Variants in MID1 observed in about 807,000 individuals in gnomAD.
The protein encoded by MID1 is E3 ubiquitin-protein ligase Midline-1.
Under a neutral mutation model 40.4 loss-of-function variants are expected in MID1, and 7 were observed. The observed-to-expected ratio is 0.17, with a 90% confidence interval of 0.10 to 0.33. The LOEUF (loss-of-function observed/expected upper bound fraction) is 0.33. MID1 is among the 10% of genes least tolerant of loss of function. The probability of loss-of-function intolerance (pLI) is 1.00; values close to 1 mark genes in which losing one functional copy is unlikely to be tolerated. For missense variants in MID1, 367 were observed against 558.5 expected (o/e 0.66, Z 3.46); for synonymous variants, 229 against 221.2 (o/e 1.04, Z -0.31).
At chrX:10,774,569 G>T (rs976398316) in intron 1 of MID1, among the ~76,000 whole-genome samples, 1 of 110,671 alleles carries the variant, frequency 9.0e-6, no homozygotes, top group African/African-American at 3.3e-5. Flanking sequence ...CTACACAGAG[G>T]TGCTGCAGTA....
chrX:10,797,684 C>G (rs1275144521), intron 1 of MID1, among the ~76,000 whole-genome samples: 1 of 111,627 alleles, frequency 9.0e-6, no homozygotes, highest in Non-Finnish European at 1.9e-5. Context: ...ATAGAACTTT[C>G]CATGCCCTGA....
At chrX:10,681,974 T>C (rs2043063810) in intron 1 of MID1, among the ~76,000 whole-genome samples, 2 of 111,624 alleles carry the variant, frequency 1.8e-5, no homozygotes, top group African/African-American at 6.5e-5. Flanking sequence ...CTTTTGTTTG[T>C]GCCTATAGTG....
At position 10,764,582 on chromosome X, in the gene MID1, G is replaced by T. The variant is rs192704389; in HGVS notation, c.-187+68972C>A. The stretch of plus-strand genomic sequence containing the variant: ...CTTAGAATTTTTTTTAAAGCTCTGT[G>T]TATGATAATCAAAGGTTAGATTTTA... On this transcript the variant is annotated intron_variant, in intron 1 of 10. Coordinates refer to the MID1 transcript ENST00000380785. 6.3e-5 allele frequency among the ~76,000 whole-genome samples: 7 copies of T among 111,757 alleles called. No individual in the cohort carries two copies. The East Asian group carries it at 2.0e-3, about 32-fold the overall frequency.
intron 1 of MID1, among the ~76,000 whole-genome samples, chrX:10,788,041 A>G (rs2043900020): frequency 9.0e-6 from 1 of 111,330 alleles, no homozygotes; most frequent in Non-Finnish European, 1.9e-5. Flanking sequence ...TTTGGCTGAT[A>G]TCACCCAGGT....
chrX:10,593,238 G>A (rs753971286), intron 1 of MID1, among the ~76,000 whole-genome samples: 1 of 112,373 alleles, frequency 8.9e-6, no homozygotes, highest in East Asian at 2.8e-4. Flanking sequence ...AGTAAAAAAT[G>A]AATGATAATT....
chrX:10,734,464 T>C (rs1029059109), intron 1 of MID1, among the ~76,000 whole-genome samples: 3 of 108,783 alleles, frequency 2.8e-5, no homozygotes, highest in African/African-American at 1.0e-4. Context: ...ACCTGGGTGA[T>C]GAAATAATAT....
chrX:10,445,441 A>G (rs1292725387), downstream of MID1: 2 of 112,734 alleles, frequency 1.8e-5, no homozygotes, highest in African/African-American at 3.2e-5. Flanking sequence ...AAAATGAATT[A>G]TATGTCATAA....
At chrX:10,713,874 G>A (rs969499399) in intron 1 of MID1, among the ~76,000 whole-genome samples, 1 of 111,638 alleles carries the variant, frequency 9.0e-6, no homozygotes, top group Non-Finnish European at 1.9e-5. Context: ...AGTACTCCGG[G>A]CATGTTTACT....
intron 1 of MID1, among the ~76,000 whole-genome samples, chrX:10,630,398 A>C (rs745799017): frequency 4.5e-5 from 5 of 111,118 alleles, no homozygotes; most frequent in Non-Finnish European, 7.5e-5. Flanking sequence ...CGGGCAGAGG[A>C]AACAGTGATT....
intron 1 of MID1, among the ~76,000 whole-genome samples, chrX:10,797,836 T>C (rs751541286): frequency 9.0e-6 from 1 of 111,614 alleles, no homozygotes; most frequent in African/African-American, 3.3e-5. Context: ...TTCGATGCAT[T>C]GTTACTCCTT....
intron 1 of MID1, among the ~76,000 whole-genome samples, chrX:10,817,556 CTTT>C (rs2044146092): frequency 3.1e-5 from 3 of 95,928 alleles, no homozygotes; most frequent in Non-Finnish European, 6.2e-5. Flanking sequence ...TTCTTTCTTT[CTTT>C]CTTTCTTTCT....
At chrX:10,542,203 C>T (rs995116973) in intron 2 of MID1, among the ~76,000 whole-genome samples, 4 of 112,269 alleles carry the variant, frequency 3.6e-5, no homozygotes, top group South Asian at 3.7e-4. Flanking sequence ...TAATGTGTTT[C>T]GCAGACTTTT....
At chrX:10,730,641 G>T (rs998648547) in intron 1 of MID1, among the ~76,000 whole-genome samples, 1 of 100,957 alleles carries the variant, frequency 9.9e-6, no homozygotes, top group Non-Finnish European at 2.0e-5. Flanking sequence ...GCACGATCTC[G>T]GCTCACTGCA....
chrX:10,795,052 T>C (rs1376891061), intron 1 of MID1, among the ~76,000 whole-genome samples: 1 of 111,712 alleles, frequency 9.0e-6, no homozygotes, highest in Non-Finnish European at 1.9e-5. Flanking sequence ...TAATTCTCTG[T>C]GTCTGGGCTG....
chrX:10,720,990 T>C (rs1462659808), intron 1 of MID1, among the ~76,000 whole-genome samples: 1 of 105,976 alleles, frequency 9.4e-6, no homozygotes, highest in African/African-American at 3.5e-5. Context: ...TAGGTGGGAA[T>C]TGAACAATGA....
intron 1 of MID1, among the ~76,000 whole-genome samples, chrX:10,672,877 G>A (rs865791701): frequency 1.1e-4 from 12 of 110,009 alleles, no homozygotes; most frequent in African/African-American, 3.6e-4. Flanking sequence ...GCAGAGGAGG[G>A]GTTTCTCTAT....
At chrX:10,589,109 G>T (rs1266731171) in intron 1 of MID1, among the ~76,000 whole-genome samples, 1 of 111,874 alleles carries the variant, frequency 8.9e-6, no homozygotes, top group Non-Finnish European at 1.9e-5. Flanking sequence ...ACACACTTTT[G>T]CAGTTTACAC....
chrX:10,469,807 C>T lies in MID1; in HGVS notation c.1175G>A (p.Cys392Tyr), dbSNP rs1261435013. 2 of 1,211,149 alleles carry T rather than the reference C, an allele frequency of 1.7e-6. No homozygotes were observed. The highest frequency in any genetic ancestry group is 2.2e-6 in the Non-Finnish European group (2 of 895,251). Residue 392 changes from cysteine to tyrosine, a missense_variant, in exon 7 of 10, where the codon TGC (cysteine) becomes TAC (tyrosine). Around this residue, in one of 3 missense-constraint regions of MID1, gnomAD observed 275 missense variants for 383.1 expected, o/e 0.72. Transcript: ENST00000317552. Reference protein sequence around the residue: ...PNPPTIREELCTASYDTITVH... With the variant: ...PNPPTIREELYTASYDTITVH... The stretch of plus-strand genomic sequence containing the variant: ...AGTGATGGTGTCATATGAAGCTGTG[C>T]AGAGCTCTTCTCTAATTGTGGGAGG...
rs1268512605 is a variant in MID1 at position 10,446,984 on chromosome X, A to G, written c.*2384T>C. The G allele has an allele frequency of 9.0e-6, 1 of 111,150 alleles. No homozygotes were observed. Among genetic ancestry groups the G allele is most frequent in the Non-Finnish European group, 1.9e-5 (1 of 53,291 alleles). The allele number at this position is 111,150 out of a possible 1,213,427, so 9.2% of individuals were successfully genotyped here. Reference sequence around the variant, plus strand: ...AAATTACACTGCAGCAAATTTTTACAGCATACATTTTTTAGACTTTCAAAA... The same window carrying G: ...AAATTACACTGCAGCAAATTTTTACGGCATACATTTTTTAGACTTTCAAAA... On this transcript the variant is annotated 3_prime_UTR_variant, in exon 10 of 10. Coordinates refer to ENST00000317552, the MANE Select transcript of MID1 (RefSeq NM_000381.4).
Sources: allele counts gnomAD v4.1 joint callset (sites outside exome capture counted in the v4.1 genomes callset), GRCh38; gene constraint gnomAD v4.1.1; regional missense constraint gnomAD v4.1.1; transcripts MANE v1.5; gene names NCBI Gene and HGNC (gene_info 2026-07-23, HGNC 2026-07-21).